The following RUFY3 variants were observed in gnomAD, a reference collection of about 807,000 sequenced individuals.
RUFY3 encodes protein RUFY3.
In RUFY3, 34 loss-of-function variants were observed where a neutral mutation model predicts 84.0. The observed-to-expected ratio is 0.40, with a 90% confidence interval of 0.31 to 0.54. The LOEUF is 0.54. RUFY3 is among the 20% of genes least tolerant of loss of function. RUFY3 has a pLI of 0.39. For synonymous variants in RUFY3, 242 were observed against 252.9 expected, an observed-to-expected ratio of 0.96 and a Z score of 0.41; for missense variants, 507 against 736.8, an observed-to-expected ratio of 0.69 and a Z score of 3.61.
chr4:70,803,443 T>A (rs1732482580), intron 16 of RUFY3, among the ~76,000 whole-genome samples: 1 of 151,166 alleles, frequency 6.6e-6, no homozygotes, highest in South Asian at 2.1e-4. Context: ...AAATAAGTCC[T>A]ACTGCTTTCC....
At chr4:70,782,291 CTT>C (rs768126305) in intron 8 of RUFY3, among the ~76,000 whole-genome samples, 21 of 135,582 alleles carry the variant, frequency 1.5e-4, no homozygotes, top group Middle Eastern at 3.8e-3. Context: ...TATTTTATTT[CTT>C]TTTTTTTTTT....
chr4:70,754,207 C>G (rs1304441362), intron 1 of RUFY3, among the ~76,000 whole-genome samples: 1 of 152,126 alleles, frequency 6.6e-6, no homozygotes, highest in Admixed American at 6.5e-5. Flanking sequence ...TGCCTGGCAC[C>G]ACACCCAGCT....
rs1192932567 is a variant in RUFY3, at chr4:70,794,636, A to T, written c.1458-159A>T. The T allele has an allele frequency of 7.9e-6, 5 of 636,814 alleles. No homozygotes were observed. In the Admixed American group the frequency reaches 1.5e-4, roughly 19 times the overall value. 39.4% of individuals were successfully genotyped at this position (636,814 alleles called of 1,614,324 possible). A position where few individuals can be genotyped will look rare whatever the true frequency, so the allele number is the denominator to read the frequency against. On this transcript the variant is annotated intron_variant, in intron 13 of 17. Transcript: ENST00000381006. Reference sequence around the variant, plus strand: ...TGTCCAGATTCACACAGTTAAGCTTAGAAGTAGCAACATTATCATTTAAAA... The same window carrying T: ...TGTCCAGATTCACACAGTTAAGCTTTGAAGTAGCAACATTATCATTTAAAA...
At chr4:70,786,104 A>G (rs1301101809) in intron 10 of RUFY3, among the ~76,000 whole-genome samples, 1 of 152,250 alleles carries the variant, frequency 6.6e-6, no homozygotes, top group South Asian at 2.1e-4. Context: ...TTGTGGCAAC[A>G]TGGGTGAACC....
chr4:70,788,346 G>A (rs1323417030), intron 10 of RUFY3, among the ~76,000 whole-genome samples: 2 of 151,844 alleles, frequency 1.3e-5, no homozygotes, highest in Admixed American at 1.3e-4. Flanking sequence ...CAGTAATTGC[G>A]ATGTTACCCC....
chr4:70,751,035 T>A (rs552513884), intron 1 of RUFY3, among the ~76,000 whole-genome samples: 1 of 152,338 alleles, frequency 6.6e-6, no homozygotes, highest in African/African-American at 2.4e-5. Flanking sequence ...CTGTGAACAT[T>A]AATGCATACA....
intron 4 of RUFY3, 39 bp downstream of exon 4, chr4:70,764,615 T>G (rs1232687438): frequency 8.2e-7 from 1 of 1,221,072 alleles, no homozygotes; most frequent in Admixed American, 1.9e-5. Flanking sequence ...TTCCTTGGTA[T>G]GTTCTACATC....
intron 1 of RUFY3, among the ~76,000 whole-genome samples, chr4:70,709,550 A>G (rs190696038): frequency 7.2e-5 from 11 of 152,246 alleles, no homozygotes; most frequent in Admixed American, 6.5e-4. Context: ...TGGTGTATGT[A>G]TGACCTTCCA....
At chr4:70,706,160 C>T (rs1456084140) in intron 1 of RUFY3, among the ~76,000 whole-genome samples, 2 of 152,130 alleles carry the variant, frequency 1.3e-5, no homozygotes, top group Non-Finnish European at 2.9e-5. Context: ...TTTTCAAATA[C>T]AAGCTCTTAC....
intron 1 of RUFY3, among the ~76,000 whole-genome samples, 158 bp from the exon 2 acceptor site, chr4:70,762,361 A>T (rs1428755348): frequency 6.6e-6 from 1 of 152,184 alleles, no homozygotes; most frequent in Non-Finnish European, 1.5e-5. Flanking sequence ...AGATTTGATA[A>T]AATAGTTCAT....
chr4:70,768,282 T>C (rs1392433374), intron 4 of RUFY3, among the ~76,000 whole-genome samples: 3 of 152,236 alleles, frequency 2.0e-5, no homozygotes, highest in Non-Finnish European at 4.4e-5. Flanking sequence ...ATTTAAAGAA[T>C]CTATTCATGC....
At chr4:70,725,674 G>A (rs1190901348) in intron 1 of RUFY3, among the ~76,000 whole-genome samples, 1 of 152,162 alleles carries the variant, frequency 6.6e-6, no homozygotes, top group African/African-American at 2.4e-5. Flanking sequence ...TCTACAACAA[G>A]TTTAATTGCA....
chr4:70,778,512 C>A, intron 8 of RUFY3, 74 bp downstream of exon 8: 1 of 786,008 alleles, frequency 1.3e-6, no homozygotes. Flanking sequence ...TTTAATGTAA[C>A]CTTGGAAAGA....
chr4:70,738,519 C>G (rs1056308954), intron 1 of RUFY3, among the ~76,000 whole-genome samples: 3 of 151,234 alleles, frequency 2.0e-5, no homozygotes, highest in Admixed American at 2.0e-4. Flanking sequence ...TGCGCCACCA[C>G]GCCCGGCTAA....
At chr4:70,742,390 C>T (rs184694422) in intron 1 of RUFY3, among the ~76,000 whole-genome samples, 47 of 152,270 alleles carry the variant, frequency 3.1e-4, no homozygotes, top group African/African-American at 1.1e-3. Context: ...GTAGCACACA[C>T]CCCTGACACA....
chr4:70,764,575 A>C lies in RUFY3; in HGVS notation c.571A>C (p.Ser191Arg). ...TTTGATCAATAAGAAAGAACTTCTC[A>C]GGTATGAACACCTTCTTGAACTTTC... ...KALINKKELL[S>R]EFYEPNALMM... Residue 191 changes from serine (S) to arginine (R), a missense_variant and splice_region_variant, in exon 4 of 18, where the codon AGT (serine) becomes CGT (arginine). Physicochemically the swap from Ser to Arg is moderately radical, Grantham distance 110. Transcript: ENST00000381006. 3.9e-6 allele frequency: 6 copies of C among 1,553,746 alleles called. No individual in the cohort carries two copies. Among genetic ancestry groups the C allele is most frequent in the Non-Finnish European group, 5.3e-6 (6 of 1,127,140 alleles).
At chr4:70,745,385 A>G (rs1722038070) in intron 1 of RUFY3, among the ~76,000 whole-genome samples, 1 of 152,220 alleles carries the variant, frequency 6.6e-6, no homozygotes, top group Non-Finnish European at 1.5e-5. Flanking sequence ...CTTATATGCT[A>G]GTAATTTGTG....
chr4:70,764,681 C>G, intron 4 of RUFY3, 105 bp downstream of exon 4: 1 of 643,472 alleles, frequency 1.6e-6, no homozygotes, highest in East Asian at 2.7e-5. Flanking sequence ...ACATTTGATT[C>G]ATAACAGCTT....
chr4:70,734,651 A>G (rs1237454747), intron 1 of RUFY3: 10 of 743,632 alleles, frequency 1.3e-5, no homozygotes, highest in Non-Finnish European at 1.6e-5. Flanking sequence ...TGGGTGAGAA[A>G]TATCAGTAGC....
Sources: gnomAD v4.1 joint callset for allele counts (sites outside exome capture counted in the v4.1 genomes callset) on GRCh38, gnomAD v4.1.1 for gene constraint, MANE v1.5 for transcripts, NCBI Gene and HGNC (gene_info 2026-07-23, HGNC 2026-07-21) for gene names.